Variants in CACNA1B observed in about 807,000 individuals in gnomAD.
CACNA1B encodes the protein voltage-dependent N-type calcium channel subunit alpha-1B.
CACNA1B carries 70 observed loss-of-function variants against 247.2 expected under a neutral mutation model. The ratio of observed to expected loss-of-function variants is 0.28; its 90% CI spans 0.23 to 0.35. The LOEUF (loss-of-function observed/expected upper bound fraction) is 0.35, where lower values mean the gene tolerates loss of function less well. Ranked by LOEUF, CACNA1B falls within the 10% of genes least tolerant of loss-of-function variation. The pLI, the probability that CACNA1B is intolerant of heterozygous loss-of-function variation, is 1.00. For synonymous variants in CACNA1B, 1,231 were observed against 1,294.4 expected (o/e 0.95, Z 1.05); for missense variants, 2,367 against 3,197.4 (o/e 0.74, Z 6.26).
At chr9:138,071,207 G>A (rs188563428) in intron 32 of CACNA1B, among the ~76,000 whole-genome samples, 19 of 152,370 alleles carry the variant, frequency 1.2e-4, no homozygotes, top group Admixed American at 9.1e-4. Context: ...GTTAGGGACC[G>A]TTGTCCCATC....
chr9:138,058,445 G>A lies in CACNA1B; in HGVS notation c.4309-124G>A, dbSNP rs1959594078. The A allele has an allele frequency of 1.0e-6, 1 of 986,204 alleles. No homozygotes were observed. Among genetic ancestry groups the A allele is most frequent in the Non-Finnish European group, 1.5e-6 (1 of 665,438 alleles). 61.1% of individuals were successfully genotyped at this position (986,204 alleles called of 1,614,324 possible). A position where few individuals can be genotyped will look rare whatever the true frequency, so the allele number is the denominator to read the frequency against. On this transcript the variant is annotated intron_variant, in intron 28 of 46. Coordinates refer to ENST00000371372, the MANE Select transcript of CACNA1B (RefSeq NM_000718.4). This position sits in a 1 kb window ranked among gnomAD's most constrained non-coding sequence, Gnocchi z 4.7. ...GGCCTGCTTGGAGAAGGTCTGGGCTGCTTCAATTTGTCTTCTGTTGTCAGG... is the reference window on the plus strand; with the variant it reads ...GGCCTGCTTGGAGAAGGTCTGGGCTACTTCAATTTGTCTTCTGTTGTCAGG...
chr9:138,073,452 T>C lies in CACNA1B; in HGVS notation c.4675-36T>C. The C allele has an allele frequency of 7.3e-7, 1 of 1,365,636 alleles. No homozygotes were observed. Among genetic ancestry groups the C allele is most frequent in the African/African-American group, 1.4e-5 (1 of 70,052 alleles). The allele number at this position is 1,365,636 out of a possible 1,614,324, so 84.6% of individuals were successfully genotyped here. On this transcript the variant is annotated intron_variant, in intron 32 of 46. Transcript: ENST00000371372. This position sits in a 1 kb window ranked among gnomAD's most constrained non-coding sequence, Gnocchi z 6.4. ...AGCAGCTTGCCTGCGCTTTCGGGGC[T>C]TCTGAAGGTCAGAGAACAATTCCTC...
rs201501964 is a variant in CACNA1B at position 138,078,169 on chromosome 9, G to A, written c.5005G>A (p.Ala1669Thr). Residue 1669 changes from alanine to threonine, a missense_variant, in exon 36 of 47, where the codon GCC (alanine) becomes ACC (threonine). Ala to Thr is a moderately conservative substitution (Grantham distance 58). Coordinates refer to ENST00000371372, the MANE Select transcript of CACNA1B (RefSeq NM_000718.4). ...EIMLSCLSNQ[A>T]CDEQANATEC... ...CATGCTGTCCTGCCTGAGCAACCAG[G>A]CCTGTGATGAGCAGGCCAATGCCAC... The A allele has an allele frequency of 1.9e-6, 3 of 1,613,834 alleles. No individual in the cohort carries two copies. Among genetic ancestry groups the A allele is most frequent in the South Asian group, 2.2e-5 (2 of 91,084 alleles).
chr9:138,059,608 G>A lies in CACNA1B; in HGVS notation c.4585-46G>A. ...ACCTATATATACCTCTTTGCCAACAGAGCCCTCATCAGCCGCTGGCACTAA... is the reference window on the plus strand; with the variant it reads ...ACCTATATATACCTCTTTGCCAACAAAGCCCTCATCAGCCGCTGGCACTAA... On this transcript the variant is annotated intron_variant, in intron 30 of 46. Transcript: ENST00000371372. This position sits in a 1 kb window ranked among gnomAD's most constrained non-coding sequence, Gnocchi z 4.2. 1 of 1,100,888 alleles carries A rather than the reference G, an allele frequency of 9.1e-7. No individual in the cohort carries two copies. Among genetic ancestry groups the A allele is most frequent in the Non-Finnish European group, 1.4e-6 (1 of 712,226 alleles). The allele number at this position is 1,100,888 out of a possible 1,614,324, so 68.2% of individuals were successfully genotyped here. A position where few individuals can be genotyped will look rare whatever the true frequency, so the allele number is the denominator to read the frequency against.
rs527833213 is a variant in CACNA1B, at chr9:137,921,043, G to T, written c.966+3612G>T. Among the ~76,000 whole-genome samples, 18 of 2,956 alleles carry T rather than the reference G, an allele frequency of 6.1e-3. 1 individual carries two copies. In the East Asian group the frequency reaches 0.47, roughly 78 times the overall value. The allele number at this position is 2,956 out of a possible 152,430, so 1.9% of individuals were successfully genotyped here. On this transcript the variant is annotated intron_variant, in intron 6 of 46. Coordinates refer to ENST00000371372, the MANE Select transcript of CACNA1B (RefSeq NM_000718.4). ...TTTGAGAGGGAATTCAGAGGGAACAGCAGGCTGATGAGCATTTGAAGTACT... is the reference window on the plus strand; with the variant it reads ...TTTGAGAGGGAATTCAGAGGGAACATCAGGCTGATGAGCATTTGAAGTACT...
chr9:138,055,444 T>A (rs1283464935), intron 26 of CACNA1B, among the ~76,000 whole-genome samples: 2 of 152,168 alleles, frequency 1.3e-5, no homozygotes, highest in African/African-American at 2.4e-5. Flanking sequence ...TTCTTGATTT[T>A]AATAGAGTCC....
rs776836911 is a variant in CACNA1B at position 138,058,164 on chromosome 9, G to A, written c.4222G>A (p.Val1408Ile). The change falls in exon 28 of 47, where the codon GTC becomes ATC. Residue 1408 changes from valine (V) to isoleucine (I), a missense_variant. Coordinates refer to ENST00000371372, the MANE Select transcript of CACNA1B (RefSeq NM_000718.4). The surrounding 1 kb of genome is among the most constrained non-coding windows in gnomAD (Gnocchi z 4.7). ...CTTTGTGGTCTTTCCCTTCTTCTTC[G>A]TCAACATCTTTGTGGCTTTGATCAT... ...VYFVVFPFFF[V>I]NIFVALIIIT... 2 of 1,613,804 alleles carry A rather than the reference G, an allele frequency of 1.2e-6. No individual in the cohort carries two copies.
At chr9:137,964,079 C>A (rs963378403) in intron 10 of CACNA1B, among the ~76,000 whole-genome samples, 2 of 152,192 alleles carry the variant, frequency 1.3e-5, no homozygotes, top group African/African-American at 4.8e-5. Context: ...TGATGGGATT[C>A]CCTTTGCAGG....
intron 15 of CACNA1B, among the ~76,000 whole-genome samples, chr9:137,992,457 A>G (rs536853501): frequency 3.3e-5 from 5 of 152,346 alleles, no homozygotes; most frequent in South Asian, 4.1e-4. Context: ...TACTAGACCT[A>G]AGAAATGATA....
intron 39 of CACNA1B, among the ~76,000 whole-genome samples, chr9:138,111,895 C>T (rs760749190): frequency 1.6e-4 from 24 of 152,270 alleles, no homozygotes; most frequent in African/African-American, 4.1e-4. Context: ...TCCCCTTCCC[C>T]GCTCTGCTCT....
chr9:138,040,422 C>G (rs1446780052), intron 20 of CACNA1B: 1 of 155,154 alleles, frequency 6.4e-6, no homozygotes, highest in African/African-American at 2.4e-5. Context: ...TCAGGGTTCT[C>G]TTAGAGAGAC....
At chr9:137,896,881 AGTCCAACTC>A (rs1328454989) in intron 3 of CACNA1B, among the ~76,000 whole-genome samples, 3 of 152,156 alleles carry the variant, frequency 2.0e-5, no homozygotes, top group Non-Finnish European at 4.4e-5. Context: ...TGGTCCATTT[AGTCCAACTC>A]GTTGAATTTA....
In CACNA1B at chr9:138,017,901, GTGCAGTTAGGCCACC is replaced by G. The variant is rs766946887; in HGVS notation, c.2267+4670_2267+4684del. On this transcript the variant is annotated intron_variant, in intron 18 of 46. Coordinates refer to ENST00000371372, the MANE Select transcript of CACNA1B (RefSeq NM_000718.4). ...GGTGAGGGGTCCCTGAAGTGGTCAG[GTGCAGTTAGGCCACC>G]TGCCCTGATGGAAGTGGCCAGGTGC... is the stretch of plus-strand genomic sequence containing the variant. Among the ~76,000 whole-genome samples the G allele has an allele frequency of 5.9e-3, 718 of 122,142 alleles. 3 individuals are homozygous for G. Among genetic ancestry groups the G allele is most frequent in the South Asian group, 0.019 (76 of 3,978 alleles). 80.1% of individuals were successfully genotyped at this position (122,142 alleles called of 152,430 possible). A position where few individuals can be genotyped will look rare whatever the true frequency, so the allele number is the denominator to read the frequency against.
intron 15 of CACNA1B, among the ~76,000 whole-genome samples, chr9:138,002,610 G>C (rs1958591971): frequency 6.6e-6 from 1 of 151,466 alleles, no homozygotes; most frequent in Non-Finnish European, 1.5e-5. Flanking sequence ...GGGAGACTGA[G>C]ACAGGAGAAT....
chr9:137,945,023 T>C (rs991622490), intron 6 of CACNA1B, among the ~76,000 whole-genome samples: 1 of 152,210 alleles, frequency 6.6e-6, no homozygotes, highest in Non-Finnish European at 1.5e-5. Flanking sequence ...GGTTTTGGTA[T>C]AGGGCCATGA....
chr9:138,062,337 G>A (rs1029263498), intron 31 of CACNA1B, among the ~76,000 whole-genome samples: 4 of 152,188 alleles, frequency 2.6e-5, no homozygotes, highest in African/African-American at 4.8e-5. Flanking sequence ...TCAGGTCTGC[G>A]TTTCCCCCTA....
intron 3 of CACNA1B, among the ~76,000 whole-genome samples, chr9:137,883,863 C>T (rs527275333): frequency 9.2e-5 from 14 of 151,522 alleles, no homozygotes; most frequent in African/African-American, 3.1e-4. Flanking sequence ...GCCCCATCCT[C>T]ACCCAGTGAC....
intron 37 of CACNA1B, 96 bp downstream of exon 37, chr9:138,096,707 A>C: frequency 2.4e-6 from 3 of 1,273,670 alleles, no homozygotes; most frequent in South Asian, 1.5e-5. Flanking sequence ...TCAAGTGAGC[A>C]CCCCCTCAGG....
rs747608416 is a variant in CACNA1B at position 138,110,982 on chromosome 9, A to T, written c.5429-1416A>T. Among the ~76,000 whole-genome samples, 62 of 152,178 alleles carry T rather than the reference A, an allele frequency of 4.1e-4. 1 individual carries two copies. Among genetic ancestry groups the T allele is most frequent in the Middle Eastern group, 6.8e-3 (2 of 294 alleles). ...TCATTAGACAAATCCAGAATTTAAA[A>T]AAAAAAAAACCACAACGAGATTACA... On this transcript the variant is annotated intron_variant, in intron 39 of 46. Coordinates refer to ENST00000371372, the MANE Select transcript of CACNA1B (RefSeq NM_000718.4).
Sources: gnomAD v4.1 joint callset for allele counts (sites outside exome capture counted in the v4.1 genomes callset) on GRCh38, gnomAD v4.1.1 for gene constraint, Gnocchi (gnomAD v3.1) non-coding constraint, MANE v1.5 for transcripts, NCBI Gene and HGNC (gene_info 2026-07-23, HGNC 2026-07-21) for gene names.